Variants in EPHA6 observed in about 807,000 individuals in gnomAD.
EPHA6 encodes the protein ephrin type-A receptor 6.
EPHA6 carries 50 observed loss-of-function variants against 112.0 expected under a neutral mutation model. The ratio of observed to expected loss-of-function variants is 0.45; its 90% CI spans 0.36 to 0.56. The LOEUF (loss-of-function observed/expected upper bound fraction) is 0.56, where lower values mean the gene tolerates loss of function less well. Ranked by LOEUF, EPHA6 falls within the 20% of genes least tolerant of loss-of-function variation. The probability of loss-of-function intolerance (pLI) is 0.00; values close to 1 mark genes in which losing one functional copy is unlikely to be tolerated. For synonymous variants in EPHA6, 529 were observed against 490.7 expected (o/e 1.08, Z -1.03); for missense variants, 1,280 against 1,417.4 (o/e 0.90, Z 1.56).
At chr3:97,330,837 C>T (rs555284136) in intron 5 of EPHA6, among the ~76,000 whole-genome samples, 18 of 152,116 alleles carry the variant, frequency 1.2e-4, no homozygotes, top group African/African-American at 2.4e-4. Context: ...GACAGATCAA[C>T]GAGACAGAAA....
At chr3:97,528,736 A>G (rs1230404851) in intron 10 of EPHA6, among the ~76,000 whole-genome samples, 1 of 152,138 alleles carries the variant, frequency 6.6e-6, no homozygotes, top group East Asian at 1.9e-4. Context: ...ATTTAGTTCA[A>G]TTATATAGAC....
At chr3:97,666,215 T>C (rs1251544611) in intron 14 of EPHA6, among the ~76,000 whole-genome samples, 2 of 152,216 alleles carry the variant, frequency 1.3e-5, no homozygotes, top group African/African-American at 4.8e-5. Context: ...CAAAACTCTA[T>C]GAATTTGAAT....
At chr3:97,484,997 C>G (rs1019978336) in intron 10 of EPHA6, among the ~76,000 whole-genome samples, 1 of 152,250 alleles carries the variant, frequency 6.6e-6, no homozygotes, top group African/African-American at 2.4e-5. Context: ...GAATTGCCGA[C>G]AGCTGCCATG....
intron 5 of EPHA6, among the ~76,000 whole-genome samples, chr3:97,327,899 ATG>A (rs1322398437): frequency 7.0e-6 from 1 of 142,092 alleles, no homozygotes; most frequent in Non-Finnish European, 1.5e-5. Flanking sequence ...ATATATGTAT[ATG>A]TGTGTATATA....
At chr3:97,256,422 A>G (rs4857251) in intron 5 of EPHA6, among the ~76,000 whole-genome samples, 11,724 of 151,910 alleles carry the variant, frequency 0.077, 987 homozygotes, top group Admixed American at 0.21. Context: ...ATTTTCAGGA[A>G]AAGTATAATT....
intron 3 of EPHA6, among the ~76,000 whole-genome samples, chr3:97,218,065 A>G (rs1444806882): frequency 6.6e-6 from 1 of 152,138 alleles, no homozygotes; most frequent in African/African-American, 2.4e-5. Flanking sequence ...GAAGCACAGA[A>G]GAATGGGACC....
intron 8 of EPHA6, among the ~76,000 whole-genome samples, chr3:97,476,645 C>T (rs1353109071): frequency 6.6e-6 from 1 of 152,036 alleles, no homozygotes; most frequent in Non-Finnish European, 1.5e-5. Flanking sequence ...AAGTACTTTG[C>T]ATGTATCAAA....
chr3:97,583,065 A>G (rs2093454436), intron 11 of EPHA6, among the ~76,000 whole-genome samples: 1 of 149,116 alleles, frequency 6.7e-6, no homozygotes, highest in Non-Finnish European at 1.5e-5. Context: ...CTAGTGTGCT[A>G]AAAGTGCAGA....
At chr3:96,926,017 C>T (rs889899448) in intron 2 of EPHA6, among the ~76,000 whole-genome samples, 2 of 152,028 alleles carry the variant, frequency 1.3e-5, no homozygotes, top group East Asian at 3.9e-4. Flanking sequence ...GCTCTTGGGT[C>T]TTGTAGTAGT....
At chr3:97,660,852 T>A (rs1229703788) in intron 14 of EPHA6, among the ~76,000 whole-genome samples, 3 of 152,132 alleles carry the variant, frequency 2.0e-5, no homozygotes, top group African/African-American at 7.2e-5. Context: ...AAAAATGACA[T>A]CCTAATATTA....
At chr3:97,018,246 G>A (rs11926537) in intron 3 of EPHA6, among the ~76,000 whole-genome samples, 21 of 151,404 alleles carry the variant, frequency 1.4e-4, no homozygotes, top group South Asian at 4.2e-4. Flanking sequence ...CATTTTTACC[G>A]CTTTATGTGT....
intron 5 of EPHA6, among the ~76,000 whole-genome samples, chr3:97,289,768 G>T (rs577216963): frequency 4.6e-5 from 7 of 151,960 alleles, no homozygotes; most frequent in Non-Finnish European, 1.0e-4. Context: ...TGCTTGTAGA[G>T]ATCTTTCACC....
In EPHA6 at chr3:96,992,870, A is replaced by G. The variant is rs550434193; in HGVS notation, c.1114+4877A>G. Among the ~76,000 whole-genome samples the G allele has an allele frequency of 2.6e-5, 4 of 152,254 alleles. No homozygotes were observed. The South Asian group carries it at 8.3e-4, about 32-fold the overall frequency. On this transcript the variant is annotated intron_variant, in intron 3 of 17. Transcript: ENST00000389672. ...TTCTTCAAGACCTAACACCAATGTC[A>G]TGCCTCTGGGTCTTCACAAAGTTAT... is the stretch of plus-strand genomic sequence containing the variant.
chr3:97,195,144 C>T (rs180795143), intron 3 of EPHA6, among the ~76,000 whole-genome samples: 12 of 151,928 alleles, frequency 7.9e-5, no homozygotes, highest in Admixed American at 2.0e-4. Flanking sequence ...GTGGTCTTCT[C>T]TTTCTCCCTT....
chr3:97,455,563 CAA>C (rs2090654585), intron 7 of EPHA6, among the ~76,000 whole-genome samples: 1 of 151,916 alleles, frequency 6.6e-6, no homozygotes, highest in East Asian at 1.9e-4. Flanking sequence ...TTATTACCTC[CAA>C]TTCGTCACCC....
chr3:97,449,312 T>A (rs2090451318), intron 7 of EPHA6, among the ~76,000 whole-genome samples: 1 of 152,092 alleles, frequency 6.6e-6, no homozygotes, highest in South Asian at 2.1e-4. Context: ...AAACCCAGCT[T>A]TACCAATGAA....
At chr3:96,879,958 A>T (rs1403455852) in intron 2 of EPHA6, among the ~76,000 whole-genome samples, 1 of 151,976 alleles carries the variant, frequency 6.6e-6, no homozygotes, top group Non-Finnish European at 1.5e-5. Context: ...AGCGAGGAGG[A>T]TAGGAGGGGG....
At chr3:97,529,183 C>A (rs1395855456) in intron 10 of EPHA6, among the ~76,000 whole-genome samples, 1 of 152,088 alleles carries the variant, frequency 6.6e-6, no homozygotes, top group Admixed American at 6.6e-5. Context: ...ATAATGGTTA[C>A]AAGCATGGAC....
At chr3:97,736,182 A>T (rs2035244011) in intron 16 of EPHA6, 64 bp downstream of exon 16, 1 of 1,371,228 alleles carries the variant, frequency 7.3e-7, no homozygotes, top group African/African-American at 1.4e-5. Context: ...GGCTATAGAT[A>T]ATAATAACAG....
Sources: gnomAD v4.1 joint callset for allele counts (sites outside exome capture counted in the v4.1 genomes callset) on GRCh38, gnomAD v4.1.1 for gene constraint, MANE v1.5 for transcripts, NCBI Gene and HGNC (gene_info 2026-07-23, HGNC 2026-07-21) for gene names.